ANKRD11: variants seen among roughly 807,000 people sequenced by gnomAD.
ANKRD11 encodes the protein ankyrin repeat domain 11, also known as ankyrin repeat domain-containing protein 11.
ANKRD11 carries 17 observed loss-of-function variants against 195.7 expected under a neutral mutation model. The ratio of observed to expected loss-of-function variants is 0.09; its 90% CI spans 0.06 to 0.13. The LOEUF (loss-of-function observed/expected upper bound fraction) is 0.13, where lower values mean the gene tolerates loss of function less well. Among genes scored for constraint, ANKRD11 ranks in the 10% least tolerant of loss-of-function variants. The pLI, the probability that ANKRD11 is intolerant of heterozygous loss-of-function variation, is 1.00. For missense variants in ANKRD11, 3,735 were observed against 3,566.1 expected, an observed-to-expected ratio of 1.05 and a Z score of -1.21; for synonymous variants, 1,953 against 1,528.1, an observed-to-expected ratio of 1.28 and a Z score of -6.49.
At chr16:89,390,683 G>A (rs531872811) in intron 2 of ANKRD11, among the ~76,000 whole-genome samples, 34 of 152,162 alleles carry the variant, frequency 2.2e-4, no homozygotes, top group African/African-American at 7.5e-4. Flanking sequence ...ACAGGTTCTC[G>A]GGGAAACAGT....
intron 11 of ANKRD11, chr16:89,271,592 T>G (rs1453707956): frequency 6.4e-6 from 1 of 157,252 alleles, no homozygotes; most frequent in Non-Finnish European, 1.4e-5. Flanking sequence ...CCCACACACC[T>G]GCAGGGAACT....
chr16:89,407,110 C>CGGGAGGCGG (rs1477069020), intron 2 of ANKRD11, among the ~76,000 whole-genome samples: 1 of 151,764 alleles, frequency 6.6e-6, no homozygotes, highest in East Asian at 1.9e-4. Flanking sequence ...CCCAGGTACT[C>CGGGAGGCGG]GGGAGGCGGA....
chr16:89,322,805 C>G (rs1215224346), intron 2 of ANKRD11, among the ~76,000 whole-genome samples: 1 of 152,266 alleles, frequency 6.6e-6, no homozygotes, highest in Non-Finnish European at 1.5e-5. Context: ...CTGCAGCACA[C>G]GGCCATGCTC....
intron 1 of ANKRD11, among the ~76,000 whole-genome samples, chr16:89,447,519 T>G (rs1372330610): frequency 1.3e-5 from 2 of 151,964 alleles, no homozygotes; most frequent in Non-Finnish European, 2.9e-5. Context: ...AATCAGAGGG[T>G]CCTCGTGATC....
At chr16:89,352,118 T>C (rs1440628009) in intron 2 of ANKRD11, among the ~76,000 whole-genome samples, 1 of 152,118 alleles carries the variant, frequency 6.6e-6, no homozygotes, top group Non-Finnish European at 1.5e-5. Context: ...CTCAAACTCC[T>C]GACCTCAAGT....
At chr16:89,308,687 G>A (rs2036438995) in intron 3 of ANKRD11, among the ~76,000 whole-genome samples, 1 of 152,136 alleles carries the variant, frequency 6.6e-6, no homozygotes, top group Non-Finnish European at 1.5e-5. Flanking sequence ...GCACAAGGAT[G>A]TTCAAGGCAG....
intron 3 of ANKRD11, among the ~76,000 whole-genome samples, chr16:89,315,438 C>T (rs994813438): frequency 1.3e-5 from 2 of 152,152 alleles, no homozygotes; most frequent in Non-Finnish European, 2.9e-5. Flanking sequence ...TGCTGAAGGC[C>T]GCACATCAGC....
At chr16:89,331,173 C>T (rs994040687) in intron 2 of ANKRD11, among the ~76,000 whole-genome samples, 5 of 152,146 alleles carry the variant, frequency 3.3e-5, no homozygotes, top group Admixed American at 6.5e-5. Context: ...AGGCTGGTCT[C>T]GAACTCCTGA....
intron 11 of ANKRD11, chr16:89,272,976 C>T (rs767277874): frequency 1.2e-4 from 17 of 143,762 alleles, no homozygotes; most frequent in Non-Finnish European, 1.5e-4. Flanking sequence ...CAGAGTAGAA[C>T]GACGGTTACC....
chr16:89,464,146 C>T (rs1049274127), intron 1 of ANKRD11, among the ~76,000 whole-genome samples: 5 of 151,664 alleles, frequency 3.3e-5, no homozygotes, highest in South Asian at 2.1e-4. Flanking sequence ...GGCTGAGACA[C>T]GAGAATCACT....
At chr16:89,460,416 G>A (rs564343804) in intron 1 of ANKRD11, among the ~76,000 whole-genome samples, 11 of 152,070 alleles carry the variant, frequency 7.2e-5, no homozygotes, top group East Asian at 1.9e-4. Context: ...AAAATTAGCC[G>A]GGCGTGGTGC....
At chr16:89,487,439 A>G (rs953315151) in intron 1 of ANKRD11, among the ~76,000 whole-genome samples, 1 of 152,244 alleles carries the variant, frequency 6.6e-6, no homozygotes, top group Admixed American at 6.5e-5. Flanking sequence ...CTCCTCTTAT[A>G]TTTGATGAAG....
At chr16:89,356,615 C>CA (rs1215696016) in intron 2 of ANKRD11, among the ~76,000 whole-genome samples, 6,733 of 113,248 alleles carry the variant, frequency 0.059, 236 homozygotes, top group African/African-American at 0.11. Flanking sequence ...ACTAAAAATA[C>CA]AAAAAAAAAA....
chr16:89,344,597 G>C (rs2038850344), intron 2 of ANKRD11, among the ~76,000 whole-genome samples: 1 of 152,246 alleles, frequency 6.6e-6, no homozygotes, highest in Non-Finnish European at 1.5e-5. Flanking sequence ...AGCCCACAAT[G>C]CAAGCGTCCG....
rs1026865529 is a variant in ANKRD11, at chr16:89,280,751, G to A, written c.5791C>T (p.Leu1931=). Reference sequence around the variant, plus strand: ...AAGGGACCCTCGTCCAGCGGCTCCAGGTAGCTGGGCTCCGGGGGGATGATG... The same window carrying A: ...AAGGGACCCTCGTCCAGCGGCTCCAAGTAGCTGGGCTCCGGGGGGATGATG... ...AAIIPPEPSY[L]EPLDEGPFSA... Residue 1931 remains leucine, a synonymous_variant, in exon 9 of 13, where the codon CTG becomes TTG. Transcript: ENST00000301030. 6.2e-7 allele frequency: 1 copy of A among 1,613,282 alleles called. No homozygotes were observed. The highest frequency in any genetic ancestry group is 1.3e-5 in the African/African-American group (1 of 74,952).
intron 6 of ANKRD11, among the ~76,000 whole-genome samples, chr16:89,289,694 C>A (rs2034897950): frequency 6.6e-6 from 1 of 152,158 alleles, no homozygotes; most frequent in Non-Finnish European, 1.5e-5. Flanking sequence ...CCTCCAGGGG[C>A]CTGGAGTGAG....
intron 11 of ANKRD11, among the ~76,000 whole-genome samples, chr16:89,274,355 C>A (rs2033454286): frequency 1.3e-5 from 2 of 152,198 alleles, no homozygotes; most frequent in South Asian, 4.1e-4. Context: ...CCCGTGTTCC[C>A]TTAGCCACCC....
intron 2 of ANKRD11, among the ~76,000 whole-genome samples, chr16:89,376,169 A>G (rs1228864538): frequency 6.6e-6 from 1 of 152,238 alleles, no homozygotes; most frequent in Non-Finnish European, 1.5e-5. Context: ...GTGTGGGTGC[A>G]GGATTGCTAT....
intron 2 of ANKRD11, among the ~76,000 whole-genome samples, chr16:89,382,052 G>A (rs2040680478): frequency 6.6e-6 from 1 of 152,206 alleles, no homozygotes; most frequent in Admixed American, 6.5e-5. Flanking sequence ...CAGGGAAGGT[G>A]ATGGGAAGGA....
Sources: allele counts gnomAD v4.1 joint callset (sites outside exome capture counted in the v4.1 genomes callset), GRCh38; gene constraint gnomAD v4.1.1; transcripts MANE v1.5; gene names NCBI Gene and HGNC (gene_info 2026-07-23, HGNC 2026-07-21).